MIA2: variants seen among roughly 807,000 people sequenced by gnomAD.
The protein encoded by MIA2 is melanoma inhibitory activity protein 2.
MIA2 carries 127 observed loss-of-function variants against 167.8 expected under a neutral mutation model. That is an observed-to-expected ratio of 0.76 (90% CI 0.66 to 0.88). The LOEUF (loss-of-function observed/expected upper bound fraction) is 0.88, where lower values mean the gene tolerates loss of function less well. Ranked by LOEUF, MIA2 falls within the 40% of genes least tolerant of loss-of-function variation. MIA2 has a pLI of 0.00. For missense variants in MIA2, 1,690 were observed against 1,624.7 expected, an observed-to-expected ratio of 1.04 and a Z score of -0.69; for synonymous variants, 552 against 541.9, an observed-to-expected ratio of 1.02 and a Z score of -0.26.
chr14:39,386,537 T>A lies in MIA2; in HGVS notation c.2249-348T>A. 9 of 1,327,850 alleles carry A rather than the reference T, an allele frequency of 6.8e-6. No homozygotes were observed. In the South Asian group the frequency reaches 1.2e-4, roughly 17 times the overall value. 82.3% of individuals were successfully genotyped at this position (1,327,850 alleles called of 1,614,324 possible). ...TTTTTTTATATTCACATTTCTCCTTTTTCTTTGGTGATTTTCTTTTGGTCT... is the reference window on the plus strand; with the variant it reads ...TTTTTTTATATTCACATTTCTCCTTATTCTTTGGTGATTTTCTTTTGGTCT... On this transcript the variant is annotated intron_variant, in intron 23 of 23. Coordinates refer to the MIA2 transcript ENST00000341502.
intron 6 of MIA2, chr14:39,269,090 T>TTTTTTTTTTG: frequency 1.0e-6 from 1 of 959,766 alleles, no homozygotes; most frequent in Non-Finnish European, 1.2e-6. Flanking sequence ...TTTTTTTTTT[T>TTTTTTTTTTG]TTTTTTTTTG....
rs956941577 is a variant in MIA2 at position 39,276,955 on chromosome 14, G to A, written c.1909G>A (p.Gly637Ser). The A allele has an allele frequency of 6.2e-7, 1 of 1,613,482 alleles. No homozygotes were observed. Among genetic ancestry groups the A allele is most frequent in the Non-Finnish European group, 8.5e-7 (1 of 1,179,784 alleles). Residue 637 changes from glycine (G) to serine (S), a missense_variant, in exon 7 of 29, where the codon GGT (glycine) becomes AGT (serine). Physicochemically the swap from Gly to Ser is moderately conservative, Grantham distance 56. Coordinates refer to ENST00000640607, the MANE Select transcript of MIA2 (RefSeq NM_001329214.4). ...GAAGGTTGTGGCAGCACTGCCTGAA[G>A]GTATGAGACCAGATTCTAATCTTTA... ...TERVVAALPE[G>S]MRPDSNLYGF... is the part of the protein sequence containing the mutation.
chr14:39,341,646 G>C (rs1048910244), intron 25 of MIA2, among the ~76,000 whole-genome samples: 5 of 152,086 alleles, frequency 3.3e-5, no homozygotes, highest in Non-Finnish European at 7.3e-5. Flanking sequence ...TGGTAGAGGA[G>C]AGGACTGTCA....
intron 25 of MIA2, among the ~76,000 whole-genome samples, chr14:39,335,227 T>A (rs1166426509): frequency 1.3e-5 from 2 of 152,210 alleles, no homozygotes; most frequent in Non-Finnish European, 2.9e-5. Flanking sequence ...AGATTTTTCT[T>A]AAATTTTAAA....
At chr14:39,246,724 G>A (rs2054331126) in intron 3 of MIA2, among the ~76,000 whole-genome samples, 187 bp from the exon 4 acceptor site, 1 of 152,160 alleles carries the variant, frequency 6.6e-6, no homozygotes. Context: ...AATGTAAAAG[G>A]TTTTTCATTT....
chr14:39,265,283 GA>G, intron 6 of MIA2: 2 of 858,034 alleles, frequency 2.3e-6, no homozygotes, highest in Non-Finnish European at 3.7e-6. Context: ...TCACAGTGTG[GA>G]AACAGAAGAG....
intron 25 of MIA2, among the ~76,000 whole-genome samples, chr14:39,329,679 G>A (rs1372337354): frequency 1.3e-5 from 2 of 150,962 alleles, no homozygotes; most frequent in Admixed American, 6.6e-5. Flanking sequence ...TTAGCATGAA[G>A]GGGTGTTGGA....
chr14:39,357,734 G>T (rs186669848), intron 23 of MIA2, among the ~76,000 whole-genome samples: 48 of 152,280 alleles, frequency 3.2e-4, no homozygotes, highest in East Asian at 7.7e-4. Context: ...AGGAGCTCCC[G>T]TAGGGCAGGC....
chr14:39,253,644 GA>G (rs554288187), intron 6 of MIA2: 17 of 144,658 alleles, frequency 1.2e-4, no homozygotes, highest in South Asian at 1.1e-3. Context: ...TCTTAAAAAA[GA>G]AAAAAAAAAA....
intron 23 of MIA2, chr14:39,385,719 C>A: frequency 1.0e-6 from 1 of 961,562 alleles, no homozygotes; most frequent in Non-Finnish European, 1.7e-6. Context: ...GACTATAGTC[C>A]TTCTTACGTG....
At chr14:39,326,813 TAA>T in intron 24 of MIA2, 49 bp from the exon 25 acceptor site, 1 of 1,509,300 alleles carries the variant, frequency 6.6e-7, no homozygotes. Flanking sequence ...AACAAGTATA[TAA>T]GACTTTTTAA....
chr14:39,313,677 T>G (rs977306604), intron 19 of MIA2, among the ~76,000 whole-genome samples: 2 of 152,200 alleles, frequency 1.3e-5, no homozygotes, highest in African/African-American at 4.8e-5. Flanking sequence ...GTTGTGTGAT[T>G]TTTAAAATCT....
chr14:39,308,652 T>C lies in MIA2; in HGVS notation c.3017+65T>C. The C allele has an allele frequency of 3.4e-6, 4 of 1,188,212 alleles. No homozygotes were observed. The South Asian group carries it at 6.4e-5, about 19-fold the overall frequency. 73.6% of individuals were successfully genotyped at this position (1,188,212 alleles called of 1,614,324 possible). A position where few individuals can be genotyped will look rare whatever the true frequency, so the allele number is the denominator to read the frequency against. On this transcript the variant is annotated intron_variant, in intron 18 of 28. Transcript: ENST00000640607. ...AATAGCTTTAGAGATATATGTTACA[T>C]AGTTAGCTATAGTGATTATTGAAAG...
At chr14:39,358,656 G>C (rs574544424) in intron 23 of MIA2, among the ~76,000 whole-genome samples, 20 of 152,240 alleles carry the variant, frequency 1.3e-4, no homozygotes, top group African/African-American at 4.6e-4. Context: ...AGTTTTTCTG[G>C]TCTGTTTTTC....
At chr14:39,296,412 T>C (rs140933137) in intron 13 of MIA2, among the ~76,000 whole-genome samples, 1 of 152,058 alleles carries the variant, frequency 6.6e-6, no homozygotes, top group Non-Finnish European at 1.5e-5. Flanking sequence ...ATTCAGATAA[T>C]TGGTCATTTT....
intron 13 of MIA2, among the ~76,000 whole-genome samples, chr14:39,296,640 T>A (rs147962093): frequency 0.028 from 4,121 of 149,544 alleles, 171 homozygotes; most frequent in African/African-American, 0.09. Context: ...TTTTATTATT[T>A]TTTTTTTATT....
chr14:39,357,828 C>A (rs545028116), intron 23 of MIA2, among the ~76,000 whole-genome samples: 82 of 152,242 alleles, frequency 5.4e-4, no homozygotes, highest in African/African-American at 7.9e-4. Flanking sequence ...GTTTGGCTGG[C>A]TATGAAATTC....
chr14:39,248,623 T>C (rs1346056009), intron 4 of MIA2, among the ~76,000 whole-genome samples: 1 of 152,220 alleles, frequency 6.6e-6, no homozygotes, highest in Non-Finnish European at 1.5e-5. Flanking sequence ...AGATAATGTC[T>C]ATTGATTTCC....
At chr14:39,263,633 C>CTTTTTTTT (rs35948974) in intron 6 of MIA2, among the ~76,000 whole-genome samples, 2 of 130,918 alleles carry the variant, frequency 1.5e-5, no homozygotes, top group South Asian at 2.4e-4. Flanking sequence ...CTCTCTCTCT[C>CTTTTTTTT]TTTTTTTTTT....
Sources: gnomAD v4.1 joint callset for allele counts (sites outside exome capture counted in the v4.1 genomes callset) on GRCh38, gnomAD v4.1.1 for gene constraint, MANE v1.5 for transcripts, NCBI Gene and HGNC (gene_info 2026-07-23, HGNC 2026-07-21) for gene names.